The following COG5 variants were observed in gnomAD, a reference collection of about 807,000 sequenced individuals.
COG5 encodes the protein conserved oligomeric Golgi complex subunit 5.
Under a neutral mutation model 110.4 loss-of-function variants are expected in COG5, and 86 were observed. That is an observed-to-expected ratio of 0.78 (90% CI 0.65 to 0.93). The LOEUF is 0.93. Ranked by LOEUF, COG5 falls within the 40% of genes least tolerant of loss-of-function variation. The pLI is 0.00. For synonymous variants in COG5, 360 were observed against 334.6 expected (o/e 1.08, Z -0.83); for missense variants, 1,077 against 987.0 (o/e 1.09, Z -1.22).
chr7:107,320,032 A>G (rs1417608414), intron 11 of COG5, among the ~76,000 whole-genome samples: 2 of 152,234 alleles, frequency 1.3e-5, no homozygotes, highest in Admixed American at 1.3e-4. Flanking sequence ...AAAAGAGTGA[A>G]CACTCTGATG....
intron 6 of COG5, among the ~76,000 whole-genome samples, chr7:107,414,743 T>TTTTTTTTTTC (rs1554434310): frequency 8.6e-6 from 1 of 115,724 alleles, no homozygotes; most frequent in Non-Finnish European, 1.7e-5. Flanking sequence ...TTTTTTTTTT[T>TTTTTTTTTTC]CCGAGACTCA....
chr7:107,271,421 A>G (rs772974614), intron 14 of COG5, among the ~76,000 whole-genome samples: 3 of 152,154 alleles, frequency 2.0e-5, no homozygotes, highest in African/African-American at 7.2e-5. Context: ...CATGAATAGT[A>G]TATATACCAT....
chr7:107,211,558 C>T (rs1377515090), intron 19 of COG5, among the ~76,000 whole-genome samples: 1 of 152,162 alleles, frequency 6.6e-6, no homozygotes, highest in Non-Finnish European at 1.5e-5. Context: ...GTAAAGCCTT[C>T]AAGTAGTTGT....
At chr7:107,230,589 T>G (rs757700152) in intron 19 of COG5, 26 bp downstream of exon 19, 1 of 1,520,680 alleles carries the variant, frequency 6.6e-7, no homozygotes, top group Non-Finnish European at 9.1e-7. Context: ...AGGATATGAA[T>G]GTATGAACAA....
At chr7:107,507,207 G>T (rs1799080088) in intron 6 of COG5, among the ~76,000 whole-genome samples, 1 of 152,142 alleles carries the variant, frequency 6.6e-6, no homozygotes, top group Non-Finnish European at 1.5e-5. Flanking sequence ...GCTGTAGCCT[G>T]CAGCTTCTTT....
At chr7:107,248,543 A>T in intron 16 of COG5, 44 bp from the exon 17 acceptor site, 1 of 1,370,120 alleles carries the variant, frequency 7.3e-7, no homozygotes, top group Non-Finnish European at 1.0e-6. Flanking sequence ...GCAAGATTAA[A>T]GAAAAACAAC....
chr7:107,516,184 A>G (rs1799909301), intron 6 of COG5, among the ~76,000 whole-genome samples: 2 of 150,670 alleles, frequency 1.3e-5, no homozygotes, highest in Middle Eastern at 3.4e-3. Flanking sequence ...TTCTCTGACA[A>G]TAAGATAATA....
chr7:107,490,942 A>T (rs1213419565), intron 6 of COG5, among the ~76,000 whole-genome samples: 3 of 152,136 alleles, frequency 2.0e-5, no homozygotes, highest in Middle Eastern at 3.2e-3. Context: ...TCTCATTATT[A>T]TCTTAAAATA....
chr7:107,311,563 T>G (rs189181878), intron 11 of COG5, among the ~76,000 whole-genome samples: 5,470 of 149,760 alleles, frequency 0.037, 136 homozygotes, highest in Middle Eastern at 0.062. Context: ...CCGGCTAATT[T>G]TTTGTATTTT....
intron 19 of COG5, among the ~76,000 whole-genome samples, chr7:107,224,002 C>T (rs1198995385): frequency 1.3e-5 from 2 of 152,168 alleles, no homozygotes; most frequent in South Asian, 2.1e-4. Context: ...TACCTGGGTG[C>T]GCTTAGCACT....
At chr7:107,423,895 T>C (rs1453363577) in intron 6 of COG5, among the ~76,000 whole-genome samples, 1 of 147,806 alleles carries the variant, frequency 6.8e-6, no homozygotes, top group Non-Finnish European at 1.5e-5. Context: ...TGAGGTAAAA[T>C]TTAAAAATAA....
At chr7:107,350,271 T>A (rs988640192) in intron 10 of COG5, among the ~76,000 whole-genome samples, 1 of 152,204 alleles carries the variant, frequency 6.6e-6, no homozygotes, top group Admixed American at 6.5e-5. Flanking sequence ...GCATTCTGGA[T>A]AATTTCACTG....
At chr7:107,562,852 T>C (rs1456430966) in intron 1 of COG5, among the ~76,000 whole-genome samples, 2 of 152,234 alleles carry the variant, frequency 1.3e-5, no homozygotes, top group Non-Finnish European at 1.5e-5. Flanking sequence ...AATGTGTGCA[T>C]GTGCTTCTAA....
intron 7 of COG5, among the ~76,000 whole-genome samples, chr7:107,400,476 C>T (rs1415724038): frequency 6.6e-6 from 1 of 152,046 alleles, no homozygotes; most frequent in Non-Finnish European, 1.5e-5. Context: ...TAGATTTATA[C>T]AAGTACAAAC....
intron 8 of COG5, among the ~76,000 whole-genome samples, chr7:107,367,620 A>G (rs920058815): frequency 2.6e-5 from 4 of 152,114 alleles, no homozygotes; most frequent in African/African-American, 9.7e-5. Context: ...AAAGAATGAA[A>G]TAATATCTTT....
At chr7:107,224,692 A>C (rs535463626) in intron 19 of COG5, among the ~76,000 whole-genome samples, 6 of 152,370 alleles carry the variant, frequency 3.9e-5, no homozygotes, top group African/African-American at 1.2e-4. Flanking sequence ...GGCCAGGAGA[A>C]GCTGAGGTAA....
intron 16 of COG5, 56 bp from the exon 17 acceptor site, chr7:107,248,555 C>G: frequency 3.3e-6 from 4 of 1,229,518 alleles, no homozygotes; most frequent in Non-Finnish European, 4.7e-6. Context: ...AAAAACAACC[C>G]AAAGAAATTT....
At chr7:107,294,923 G>GTGTGTA (rs1303129264) in intron 12 of COG5, among the ~76,000 whole-genome samples, 4 of 82,014 alleles carry the variant, frequency 4.9e-5, no homozygotes, top group South Asian at 4.8e-4. Flanking sequence ...GTGTGTGTGT[G>GTGTGTA]TATATATACA....
intron 17 of COG5, among the ~76,000 whole-genome samples, chr7:107,247,796 G>C (rs1802163071): frequency 6.6e-6 from 1 of 152,212 alleles, no homozygotes; most frequent in Admixed American, 6.5e-5. Flanking sequence ...AGACACATAT[G>C]AAACAGGTTT....
Sources: allele counts gnomAD v4.1 joint callset (sites outside exome capture counted in the v4.1 genomes callset), GRCh38; gene constraint gnomAD v4.1.1; transcripts MANE v1.5; gene names NCBI Gene and HGNC (gene_info 2026-07-23, HGNC 2026-07-21).